Variants in MTERF4 observed in about 807,000 individuals in gnomAD.
MTERF4 encodes transcription termination factor 4, mitochondrial.
In MTERF4, 17 loss-of-function variants were observed where a neutral mutation model predicts 22.5. The observed-to-expected ratio is 0.75, with a 90% CI of 0.52 to 1.13. MTERF4 has a LOEUF of 1.13. Among genes scored for constraint, MTERF4 ranks in the 50% most tolerant of loss-of-function variants. MTERF4 has a pLI of 0.00. For missense variants in MTERF4, 420 were observed against 466.8 expected, an observed-to-expected ratio of 0.90 and a Z score of 0.92; for synonymous variants, 165 against 175.3, an observed-to-expected ratio of 0.94 and a Z score of 0.47.
the MTERF4 span, among the ~76,000 whole-genome samples, chr2:241,045,922 T>G: frequency 6.9e-4 from 105 of 152,290 alleles, 1 homozygote; most frequent in East Asian, 0.019. Context: ...AAAGGACTTG[T>G]GATCAGAATA....
At chr2:241,077,003 C>G (rs112966382) in intron 4 of MTERF4, among the ~76,000 whole-genome samples, 1 of 151,198 alleles carries the variant, frequency 6.6e-6, no homozygotes, top group African/African-American at 2.4e-5. Flanking sequence ...GGCGTGAACC[C>G]GGGAGGTGGA....
At chr2:241,061,324 A>AT in the MTERF4 span, among the ~76,000 whole-genome samples, 1 of 152,244 alleles carries the variant, frequency 6.6e-6, no homozygotes. Context: ...AATGAGGTAC[A>AT]TTCAGCTGGT....
the MTERF4 span, among the ~76,000 whole-genome samples, chr2:241,059,597 G>A: frequency 2.6e-5 from 4 of 152,026 alleles, no homozygotes; most frequent in Non-Finnish European, 4.4e-5. Flanking sequence ...TGACCAAGTG[G>A]GATTTTTCTC....
chr2:241,101,568 G>C (rs13403837), intron 1 of MTERF4, among the ~76,000 whole-genome samples: 2,467 of 152,342 alleles, frequency 0.016, 62 homozygotes, highest in African/African-American at 0.057. Flanking sequence ...ACCCTGCCAA[G>C]CCCAAGCTCT....
At chr2:241,099,124 G>A (rs1402515127) in intron 2 of MTERF4, 2 of 332,180 alleles carry the variant, frequency 6.0e-6, no homozygotes, top group South Asian at 1.1e-4. Context: ...ACCCAGGCTG[G>A]AGTGCAGTGG....
Position 241,073,118 on chromosome 2 carries a change from C to T in MTERF4, n.3044G>A, listed in dbSNP as rs370164947. ...CCTTCAGGGGAGGCAGCTCTGGGGC[C>T]GACAGGTGCTGGGGCCACGCAGGGA... On this transcript the variant is annotated non_coding_transcript_exon_variant, in exon 5 of 5. Transcript: ENST00000464344. This position sits in a 1 kb window ranked among gnomAD's most constrained non-coding sequence, Gnocchi z 6.6. 8 of 612,178 alleles carry T rather than the reference C, an allele frequency of 1.3e-5. No individual in the cohort carries two copies. The highest frequency in any genetic ancestry group is 5.7e-5 in the Admixed American group (2 of 35,020). The allele number at this position is 612,178 out of a possible 1,614,324, so 37.9% of individuals were successfully genotyped here.
downstream of MTERF4, among the ~76,000 whole-genome samples, chr2:241,071,197 A>C (rs1236136619): frequency 6.6e-6 from 1 of 152,144 alleles, no homozygotes; most frequent in Non-Finnish European, 1.5e-5. Flanking sequence ...GCGTCCCATC[A>C]GGAGGCCACT....
At chr2:241,078,408 AAAAG>A (rs2063151251) in intron 4 of MTERF4, among the ~76,000 whole-genome samples, 1 of 151,594 alleles carries the variant, frequency 6.6e-6, no homozygotes, top group South Asian at 2.1e-4. Context: ...AGAAAGAAAG[AAAAG>A]AAAGGATAAG....
At chr2:241,057,875 G>A in the MTERF4 span, among the ~76,000 whole-genome samples, 1 of 152,114 alleles carries the variant, frequency 6.6e-6, no homozygotes, top group African/African-American at 2.4e-5. Flanking sequence ...GTTAAGAGAA[G>A]GGAGAGTTAT....
chr2:241,065,060 C>G, the MTERF4 span: 1 of 954,154 alleles, frequency 1.0e-6, no homozygotes, highest in Non-Finnish European at 1.5e-6. Context: ...GCTGCTTGCC[C>G]AGGCCCCTTC....
Position 241,096,155 on chromosome 2 carries a change from C to CT in MTERF4, c.988dup (p.Ser330LysfsTer4), listed in dbSNP as rs751165154. The CT allele has an allele frequency of 1.2e-6, 2 of 1,614,168 alleles. No individual in the cohort carries two copies. Among genetic ancestry groups the CT allele is most frequent in the South Asian group, 2.2e-5 (2 of 91,074 alleles). ...ACTTGCCCTTTTGTCATCAGATGTGCTGCTCTCAGACTCCTCCTCCTCCCG... is the reference window on the plus strand; with the variant it reads ...ACTTGCCCTTTTGTCATCAGATGTGCTTGCTCTCAGACTCCTCCTCCTCCCG... On this transcript the variant is annotated frameshift_variant, in exon 4 of 4. Coordinates refer to ENST00000391980, the MANE Select transcript of MTERF4 (RefSeq NM_182501.4). LOFTEE classifies it low-confidence loss of function (END_TRUNC). This position sits in a 1 kb window ranked among gnomAD's most constrained non-coding sequence, Gnocchi z 5.1.
rs1296343385 is a variant in MTERF4 at position 241,096,730 on chromosome 2, A to G, written c.706-292T>C. ...GGTATTTTTCTTTAAATGGGGAAGG[A>G]AAAGGATGAATATGGAAAGAATAGG... On this transcript the variant is annotated intron_variant, in intron 3 of 3. Coordinates refer to ENST00000391980, the MANE Select transcript of MTERF4 (RefSeq NM_182501.4). This position sits in a 1 kb window ranked among gnomAD's most constrained non-coding sequence, Gnocchi z 5.1. 1 of 615,966 alleles carries G rather than the reference A, an allele frequency of 1.6e-6. No homozygotes were observed. The highest frequency in any genetic ancestry group is 2.3e-5 in the Admixed American group (1 of 43,334). The allele number at this position is 615,966 out of a possible 1,614,324, so 38.2% of individuals were successfully genotyped here. A position where few individuals can be genotyped will look rare whatever the true frequency, so the allele number is the denominator to read the frequency against.
At chr2:241,064,064 C>CGCGCG in the MTERF4 span, 1 of 1,569,524 alleles carries the variant, frequency 6.4e-7, no homozygotes, top group East Asian at 2.4e-5. The surrounding 1 kb of genome is among the most constrained non-coding windows in gnomAD (Gnocchi z 7.0). Flanking sequence ...GGTGTGAGAG[C>CGCGCG]GGCGGCGGGG....
the MTERF4 span, among the ~76,000 whole-genome samples, chr2:241,056,580 A>ATTTT: frequency 5.4e-5 from 6 of 111,222 alleles, no homozygotes; most frequent in Admixed American, 1.1e-4. Flanking sequence ...AATAAGTGAA[A>ATTTT]TTTTTTTTTT....
the MTERF4 span, among the ~76,000 whole-genome samples, chr2:241,046,971 C>T: frequency 6.6e-6 from 1 of 151,780 alleles, no homozygotes; most frequent in East Asian, 1.9e-4. Context: ...AGTGAAACCC[C>T]ATCTCTACTA....
Position 241,097,490 on chromosome 2 carries a change from A to G in MTERF4, c.521-63T>C, listed in dbSNP as rs2064507771. ...GGATACTCCAGAAACTCAAGGAGCT[A>G]GCTGCACCCAATTTAAGTCCACATT... On this transcript the variant is annotated intron_variant, in intron 2 of 3. Transcript: ENST00000391980. 6 of 1,483,212 alleles carry G rather than the reference A, an allele frequency of 4.0e-6. No individual in the cohort carries two copies. The South Asian group carries it at 6.4e-5, about 16-fold the overall frequency. 91.9% of individuals were successfully genotyped at this position (1,483,212 alleles called of 1,614,324 possible).
At chr2:241,100,077 G>T in intron 1 of MTERF4, 183 bp from the exon 2 acceptor site, 1 of 671,584 alleles carries the variant, frequency 1.5e-6, no homozygotes. Flanking sequence ...AAAGAACAGG[G>T]TATTTCAAGG....
chr2:241,054,829 T>C, the MTERF4 span, among the ~76,000 whole-genome samples: 461 of 152,062 alleles, frequency 3.0e-3, 1 homozygote, highest in African/African-American at 0.01. Flanking sequence ...AAAAAGAAAA[T>C]GTTGGGGCCA....
chr2:241,058,912 T>G, the MTERF4 span, among the ~76,000 whole-genome samples: 1 of 151,354 alleles, frequency 6.6e-6, no homozygotes, highest in African/African-American at 2.4e-5. Context: ...ATCGCACCAC[T>G]GCACTCCAGC....
Sources: allele counts gnomAD v4.1 joint callset (sites outside exome capture counted in the v4.1 genomes callset), GRCh38; gene constraint gnomAD v4.1.1; non-coding constraint Gnocchi (gnomAD v3.1); transcripts MANE v1.5; gene names NCBI Gene and HGNC (gene_info 2026-07-23, HGNC 2026-07-21).